Variants in INIP observed in about 807,000 individuals in gnomAD.
The protein encoded by INIP is INTS3 and NABP interacting protein, also known as SOSS complex subunit C.
INIP carries 9 observed loss-of-function variants against 14.0 expected under a neutral mutation model. The observed-to-expected ratio is 0.64, with a 90% CI of 0.39 to 1.12. The LOEUF (loss-of-function observed/expected upper bound fraction) is 1.12, where lower values mean the gene tolerates loss of function less well. Ranked by LOEUF, INIP falls within the 50% of genes most tolerant of loss-of-function variation. The pLI is 0.01. For missense variants in INIP, 78 were observed against 122.7 expected (o/e 0.64, Z 1.72); for synonymous variants, 37 against 41.5 (o/e 0.89, Z 0.41).
chr9:112,687,626 T>A lies in INIP; in HGVS notation c.227A>T (p.His76Leu), dbSNP rs1189846616. Residue 76 changes from histidine to leucine, a missense_variant, in exon 5 of 5, where the codon CAT becomes CTT. By Grantham distance (99) the His-to-Leu change is moderately conservative (BLOSUM62 -3). Coordinates refer to ENST00000374242, the MANE Select transcript of INIP (RefSeq NM_021218.3). Reference protein sequence around the residue: ...AQQKAALQHAHAHSSGYFITQ... With the variant: ...AQQKAALQHALAHSSGYFITQ... The stretch of plus-strand genomic sequence containing the variant: ...GATGAAGTATCCAGATGAATGTGCA[T>A]GAGCATGCTGGGAAAGATTAAAAAC... 2 of 1,547,524 alleles carry A rather than the reference T, an allele frequency of 1.3e-6. No homozygotes were observed. The highest frequency in any genetic ancestry group is 1.8e-6 in the Non-Finnish European group (2 of 1,133,616).
chr9:112,707,237 C>A (rs1316665282), intron 2 of INIP, among the ~76,000 whole-genome samples: 1 of 148,566 alleles, frequency 6.7e-6, no homozygotes, highest in East Asian at 1.9e-4. Context: ...CTGTGCCCGG[C>A]CTCTTTTTTT....
chr9:112,701,229 A>C (rs1239337537), intron 2 of INIP, among the ~76,000 whole-genome samples: 1 of 152,132 alleles, frequency 6.6e-6, no homozygotes, highest in Non-Finnish European at 1.5e-5. Flanking sequence ...AATTGCTTGA[A>C]CTGGGAGGTG....
intron 2 of INIP, among the ~76,000 whole-genome samples, chr9:112,705,125 A>AG (rs1838418130): frequency 1.3e-5 from 2 of 151,094 alleles, no homozygotes; most frequent in Admixed American, 6.6e-5. Context: ...AAAAAAAAAA[A>AG]AAAAAAAAAG....
chr9:112,693,968 G>A (rs549018300), intron 3 of INIP, 163 bp downstream of exon 3: 161 of 408,134 alleles, frequency 3.9e-4, no homozygotes, highest in Non-Finnish European at 5.1e-4. Flanking sequence ...CCAGCTACTC[G>A]GGAGGCTGAG....
chr9:112,699,609 T>C (rs963758855), intron 2 of INIP, among the ~76,000 whole-genome samples: 2 of 152,092 alleles, frequency 1.3e-5, no homozygotes, highest in Non-Finnish European at 2.9e-5. Flanking sequence ...TAGGAAAAAA[T>C]AGAGTATATA....
At chr9:112,701,022 A>T (rs1263566808) in intron 2 of INIP, among the ~76,000 whole-genome samples, 1 of 152,204 alleles carries the variant, frequency 6.6e-6, no homozygotes, top group Admixed American at 6.5e-5. Flanking sequence ...ATATATTAAT[A>T]TGGTTATAAA....
chr9:112,715,859 C>A (rs1838795480), intron 2 of INIP, among the ~76,000 whole-genome samples: 1 of 150,316 alleles, frequency 6.7e-6, no homozygotes, highest in African/African-American at 2.4e-5. Context: ...ACTTTTTAAA[C>A]TTCTTGTTAA....
chr9:112,703,099 C>A (rs1318134910), intron 2 of INIP, among the ~76,000 whole-genome samples: 3 of 152,050 alleles, frequency 2.0e-5, no homozygotes, highest in Non-Finnish European at 4.4e-5. Context: ...TCATTCTACC[C>A]CCTCCTCCTC....
At chr9:112,708,811 C>A (rs1006217433) in intron 2 of INIP, among the ~76,000 whole-genome samples, 12 of 151,840 alleles carry the variant, frequency 7.9e-5, no homozygotes, top group Non-Finnish European at 5.9e-5. Flanking sequence ...ATCCTCCCAC[C>A]TCAGCCCCAT....
chr9:112,690,720 T>C (rs1224601813), intron 3 of INIP, among the ~76,000 whole-genome samples: 3 of 152,190 alleles, frequency 2.0e-5, no homozygotes, highest in Admixed American at 2.0e-4. Context: ...AAGAGAAAGG[T>C]ACATAATCTG....
chr9:112,709,314 G>A (rs1407112574), intron 2 of INIP, among the ~76,000 whole-genome samples: 1 of 151,990 alleles, frequency 6.6e-6, no homozygotes, highest in Non-Finnish European at 1.5e-5. Flanking sequence ...TGTCTCAAGC[G>A]CCCAGTGGTT....
chr9:112,695,125 T>G (rs543263928), intron 2 of INIP, among the ~76,000 whole-genome samples: 4 of 152,232 alleles, frequency 2.6e-5, no homozygotes, highest in African/African-American at 7.2e-5. Context: ...GTTGTCCCCT[T>G]TAGCTGGGCA....
chr9:112,717,207 G>GT (rs1226643275), intron 1 of INIP, among the ~76,000 whole-genome samples: 1 of 152,106 alleles, frequency 6.6e-6, no homozygotes, highest in Non-Finnish European at 1.5e-5. Flanking sequence ...TTCATCTATG[G>GT]TGTCTCTGCA....
intron 2 of INIP, among the ~76,000 whole-genome samples, chr9:112,697,257 C>G (rs1838127783): frequency 6.6e-6 from 1 of 152,076 alleles, no homozygotes; most frequent in Admixed American, 6.6e-5. Context: ...ACCTGTAATC[C>G]CAGCATTTTG....
intron 2 of INIP, among the ~76,000 whole-genome samples, chr9:112,700,449 C>G (rs1053278215): frequency 6.6e-6 from 1 of 151,152 alleles, no homozygotes. Flanking sequence ...AACCACTACC[C>G]AAGCAACTGA....
At chr9:112,693,294 T>G (rs1482090910) in intron 3 of INIP, among the ~76,000 whole-genome samples, 1 of 152,112 alleles carries the variant, frequency 6.6e-6, no homozygotes, top group Non-Finnish European at 1.5e-5. Flanking sequence ...AAGCTCTCTC[T>G]CTCCCCTCCC....
chr9:112,708,831 AT>A lies in INIP; in HGVS notation c.25+7629del, dbSNP rs199941172. 3.5e-3 allele frequency among the ~76,000 whole-genome samples: 528 copies of A among 150,422 alleles called. 4 individuals carry two copies. The highest frequency in any genetic ancestry group is 0.013 in the African/African-American group (518 of 40,780). On this transcript the variant is annotated intron_variant, in intron 2 of 4. Transcript: ENST00000374242. Reference sequence around the variant, plus strand: ...CCCACCTCAGCCCCATGCCCAGCTAATTTTTTTTATTAACTTTTTTTTTTTT... The same window carrying A: ...CCCACCTCAGCCCCATGCCCAGCTAATTTTTTTATTAACTTTTTTTTTTTT...
At position 112,685,934 on chromosome 9, in the gene INIP, C is replaced by T. The variant is rs1389618811; in HGVS notation, c.*1604G>A. The T allele has an allele frequency of 6.6e-6, 1 of 152,140 alleles. No individual in the cohort carries two copies. The highest frequency in any genetic ancestry group is 2.4e-5 in the African/African-American group (1 of 41,422). The allele number at this position is 152,140 out of a possible 1,614,324, so 9.4% of individuals were successfully genotyped here. The stretch of plus-strand genomic sequence containing the variant: ...TCTAAAAAAAACCTACATGGCACAG[C>T]CAATTCTAGAATTGTCCACTCTTGC... On this transcript the variant is annotated 3_prime_UTR_variant, in exon 5 of 5. Transcript: ENST00000374242.
intron 3 of INIP, among the ~76,000 whole-genome samples, chr9:112,690,247 T>C (rs1837834849): frequency 1.3e-5 from 2 of 152,060 alleles, no homozygotes; most frequent in Admixed American, 1.3e-4. Flanking sequence ...TCCCAGGACT[T>C]TGGGAGTCCG....
Sources: gnomAD v4.1 joint callset for allele counts (sites outside exome capture counted in the v4.1 genomes callset) on GRCh38, gnomAD v4.1.1 for gene constraint, MANE v1.5 for transcripts, NCBI Gene and HGNC (gene_info 2026-07-23, HGNC 2026-07-21) for gene names.